The following EYA4 variants were observed in gnomAD, a reference collection of about 807,000 sequenced individuals.
The protein encoded by EYA4 is EYA transcriptional coactivator and phosphatase 4, also known as protein phosphatase EYA4.
Under a neutral mutation model 87.9 loss-of-function variants are expected in EYA4, and 31 were observed. That is an observed-to-expected ratio of 0.35 (90% CI 0.27 to 0.48). EYA4 has a LOEUF of 0.48. Among genes scored for constraint, EYA4 ranks in the 20% least tolerant of loss-of-function variants. EYA4 has a pLI of 0.99. For missense variants in EYA4, 678 were observed against 761.4 expected, an observed-to-expected ratio of 0.89 and a Z score of 1.29; for synonymous variants, 263 against 270.6, an observed-to-expected ratio of 0.97 and a Z score of 0.28.
intron 3 of EYA4, among the ~76,000 whole-genome samples, chr6:133,424,120 C>T (rs747740081): frequency 6.6e-6 from 1 of 152,188 alleles, no homozygotes; most frequent in Non-Finnish European, 1.5e-5. Context: ...GAGGGTAGCT[C>T]CTCTTTCTGC....
At chr6:133,502,253 C>G (rs1207970483) in intron 13 of EYA4, 4 of 151,914 alleles carry the variant, frequency 2.6e-5, no homozygotes, top group Non-Finnish European at 5.9e-5. Context: ...TCCACAAAAC[C>G]CTGTTAGTGC....
At chr6:133,428,911 C>CTTCTTTTTTT (rs1790919538) in intron 3 of EYA4, among the ~76,000 whole-genome samples, 2 of 48,230 alleles carry the variant, frequency 4.1e-5, no homozygotes, top group Non-Finnish European at 7.2e-5. Flanking sequence ...GATTTAGCTT[C>CTTCTTTTTTT]TTTTTTTTTT....
intron 2 of EYA4, among the ~76,000 whole-genome samples, chr6:133,323,325 C>T (rs1291661712): frequency 6.6e-6 from 1 of 152,060 alleles, no homozygotes; most frequent in Non-Finnish European, 1.5e-5. Context: ...ATTAAAGTGG[C>T]TCCAAGAAGA....
intron 2 of EYA4, among the ~76,000 whole-genome samples, chr6:133,357,225 C>A (rs1057422534): frequency 2.8e-5 from 4 of 142,714 alleles, no homozygotes; most frequent in Non-Finnish European, 6.0e-5. Flanking sequence ...GAGCCGAGAT[C>A]CCGCCACTGC....
intron 2 of EYA4, 41 bp downstream of exon 2, chr6:133,274,854 A>G: frequency 2.7e-6 from 4 of 1,467,010 alleles, no homozygotes; most frequent in Non-Finnish European, 3.8e-6. Flanking sequence ...AAGTTGCGAT[A>G]ACACTACTGA....
chr6:133,313,400 ACT>A (rs902434830), intron 2 of EYA4, among the ~76,000 whole-genome samples: 5 of 152,210 alleles, frequency 3.3e-5, no homozygotes, highest in African/African-American at 1.2e-4. Flanking sequence ...AGTGATTCTT[ACT>A]GTCATTCATA....
At chr6:133,271,476 C>T (rs570797951) in intron 1 of EYA4, among the ~76,000 whole-genome samples, 9 of 152,182 alleles carry the variant, frequency 5.9e-5, no homozygotes, top group Admixed American at 2.6e-4. Context: ...AGAAGCATTG[C>T]GTGCAGAATA....
At chr6:133,308,764 T>C (rs986383596) in intron 2 of EYA4, among the ~76,000 whole-genome samples, 17 of 152,256 alleles carry the variant, frequency 1.1e-4, no homozygotes, top group African/African-American at 4.1e-4. Flanking sequence ...ATATCTGCAT[T>C]GTATCTCATG....
intron 17 of EYA4, among the ~76,000 whole-genome samples, chr6:133,516,431 G>A (rs1462020045): frequency 2.0e-5 from 3 of 151,968 alleles, no homozygotes; most frequent in Non-Finnish European, 4.4e-5. Flanking sequence ...AAGATTAATG[G>A]GTCAGGCGCA....
At chr6:133,522,919 T>C (rs2128811615) in intron 17 of EYA4, 137 bp from the exon 18 acceptor site, 2 of 701,302 alleles carry the variant, frequency 2.9e-6, no homozygotes, top group Admixed American at 4.3e-5. Flanking sequence ...GGAGTGTCTG[T>C]CTGCTGATAG....
intron 2 of EYA4, among the ~76,000 whole-genome samples, chr6:133,378,264 G>T (rs1361743835): frequency 6.6e-6 from 1 of 152,082 alleles, no homozygotes; most frequent in African/African-American, 2.4e-5. Flanking sequence ...AGTGTTAGCT[G>T]TGGGATATTA....
rs1051210313 is a variant in EYA4, at chr6:133,531,151, G to A, written c.*2346G>A. ...TTGGAAGGGCAAAGAGAAGCCGGCT[G>A]GTTGCATCACCCCGTGCAGTTTCTC... On this transcript the variant is annotated 3_prime_UTR_variant, in exon 20 of 20. Transcript: ENST00000355286. 10 of 1,531,848 alleles carry A rather than the reference G, an allele frequency of 6.5e-6. No individual in the cohort carries two copies. The highest frequency in any genetic ancestry group is 8.7e-6 in the Non-Finnish European group (10 of 1,144,976). 94.9% of individuals were successfully genotyped at this position (1,531,848 alleles called of 1,614,324 possible).
chr6:133,498,203 G>T (rs1797796827), intron 13 of EYA4, among the ~76,000 whole-genome samples: 1 of 152,120 alleles, frequency 6.6e-6, no homozygotes, highest in South Asian at 2.1e-4. Context: ...TGGATCTGAG[G>T]CAATCCTAAT....
intron 2 of EYA4, among the ~76,000 whole-genome samples, chr6:133,352,923 A>G (rs1783745942): frequency 6.6e-6 from 1 of 152,192 alleles, no homozygotes; most frequent in Admixed American, 6.5e-5. Flanking sequence ...CATCAGTGAC[A>G]ATTGTGAAGA....
At chr6:133,411,532 T>C (rs1476708883) in intron 3 of EYA4, among the ~76,000 whole-genome samples, 1 of 151,766 alleles carries the variant, frequency 6.6e-6, no homozygotes, top group Non-Finnish European at 1.5e-5. Context: ...TTTCCATATA[T>C]GTGTGTGTGT....
intron 17 of EYA4, among the ~76,000 whole-genome samples, chr6:133,517,315 C>G (rs992100735): frequency 9.8e-6 from 1 of 101,682 alleles, no homozygotes; most frequent in South Asian, 3.0e-4. Flanking sequence ...TGTACAACAA[C>G]CCCCCATGAC....
At chr6:133,466,996 T>G (rs761663452) in intron 10 of EYA4, among the ~76,000 whole-genome samples, 4 of 152,072 alleles carry the variant, frequency 2.6e-5, no homozygotes, top group Non-Finnish European at 5.9e-5. Flanking sequence ...CCAAGGTCTT[T>G]GGAGAAAGTC....
intron 2 of EYA4, among the ~76,000 whole-genome samples, chr6:133,361,386 G>A (rs1784437654): frequency 6.6e-6 from 1 of 152,188 alleles, no homozygotes; most frequent in Non-Finnish European, 1.5e-5. Context: ...GCATGTACAG[G>A]TGTCATGTCA....
chr6:133,346,203 A>G (rs9483577), intron 2 of EYA4, among the ~76,000 whole-genome samples: 27,314 of 152,214 alleles, frequency 0.18, 2,608 homozygotes, highest in East Asian at 0.35. Flanking sequence ...ATGTTCCAGA[A>G]GTATTAAAGT....
Sources: allele counts gnomAD v4.1 joint callset (sites outside exome capture counted in the v4.1 genomes callset), GRCh38; gene constraint gnomAD v4.1.1; transcripts MANE v1.5; gene names NCBI Gene and HGNC (gene_info 2026-07-23, HGNC 2026-07-21).